The following ARHGAP42 variants were observed in gnomAD, a reference collection of about 807,000 sequenced individuals.
The protein encoded by ARHGAP42 is rho GTPase-activating protein 42.
In ARHGAP42, 63 loss-of-function variants were observed where a neutral mutation model predicts 125.0. The observed-to-expected ratio is 0.50, with a 90% confidence interval of 0.41 to 0.62. The LOEUF is 0.62. Ranked by LOEUF, ARHGAP42 falls within the 20% of genes least tolerant of loss-of-function variation. The probability of loss-of-function intolerance (pLI) is 0.00; values close to 1 mark genes in which losing one functional copy is unlikely to be tolerated. For missense variants in ARHGAP42, 766 were observed against 1,024.2 expected (o/e 0.75, Z 3.44); for synonymous variants, 339 against 351.0 (o/e 0.97, Z 0.38).
intron 1 of ARHGAP42, among the ~76,000 whole-genome samples, chr11:100,720,976 G>C (rs1034713442): frequency 3.3e-5 from 5 of 151,530 alleles, no homozygotes; most frequent in Admixed American, 2.6e-4. Context: ...TAACTGAGCA[G>C]ATAATACAGA....
At chr11:100,711,546 T>G (rs1355364595) in intron 1 of ARHGAP42, among the ~76,000 whole-genome samples, 1 of 151,996 alleles carries the variant, frequency 6.6e-6, no homozygotes. Context: ...TCTTTAGACA[T>G]GATGTCTCAC....
chr11:100,961,382 GATTGACTATGTTAATCTC>G (rs1401302489), intron 14 of ARHGAP42, among the ~76,000 whole-genome samples: 1 of 152,020 alleles, frequency 6.6e-6, no homozygotes, highest in African/African-American at 2.4e-5. Flanking sequence ...GAGTTGTGAG[GATTGACTATGTTAATCTC>G]CGTAAAGCAC....
chr11:100,877,729 G>A (rs759494806), intron 4 of ARHGAP42, among the ~76,000 whole-genome samples: 2 of 152,102 alleles, frequency 1.3e-5, no homozygotes, highest in Non-Finnish European at 1.5e-5. Context: ...TTACCAGGGT[G>A]GGCGCGGTGG....
intron 3 of ARHGAP42, among the ~76,000 whole-genome samples, chr11:100,859,087 T>G (rs537391): frequency 0.015 from 2,319 of 152,216 alleles, 68 homozygotes; most frequent in African/African-American, 0.053. Flanking sequence ...TTCCTCATTT[T>G]GAGGAATCTA....
chr11:100,986,491 T>C (rs1858681994), intron 22 of ARHGAP42: 1 of 172,842 alleles, frequency 5.8e-6, no homozygotes, highest in Non-Finnish European at 1.2e-5. Context: ...TGGGCCAGAG[T>C]AGGAAGCCAG....
Position 100,976,851 on chromosome 11 carries a change from C to G in ARHGAP42, c.2273C>G (p.Thr758Ser). The change falls in exon 21 of 24, where the codon ACT becomes AGT. Residue 758 changes from threonine to serine, a missense_variant. By Grantham distance (58) the Thr-to-Ser change is moderately conservative. Around this residue, in one of 3 missense-constraint regions of ARHGAP42, gnomAD observed 308 missense variants for 369.7 expected, o/e 0.83. Transcript: ENST00000298815. ...KSYSGSIQSLTSVGSKETPKA... is the reference protein window; with the variant it reads ...KSYSGSIQSLSSVGSKETPKA... ...TACAGTGGATCTATTCAAAGCTTAA[C>G]TTCTGTAGGTTCCAAGGAGACACCC... 1 of 1,551,270 alleles carries G rather than the reference C, an allele frequency of 6.4e-7. No homozygotes were observed. The highest frequency in any genetic ancestry group is 1.2e-5 in the South Asian group (1 of 84,050).
chr11:100,789,652 C>T (rs953017969), intron 2 of ARHGAP42, among the ~76,000 whole-genome samples: 3 of 152,164 alleles, frequency 2.0e-5, no homozygotes, highest in South Asian at 2.1e-4. Context: ...GGTTACATAA[C>T]GTACAGAGTT....
At chr11:100,746,442 A>G (rs1203637661) in intron 1 of ARHGAP42, among the ~76,000 whole-genome samples, 1 of 152,244 alleles carries the variant, frequency 6.6e-6, no homozygotes, top group Non-Finnish European at 1.5e-5. Flanking sequence ...ACCCTAGTGG[A>G]AAGGGGACAA....
intron 4 of ARHGAP42, among the ~76,000 whole-genome samples, chr11:100,889,119 G>A (rs1352929754): frequency 6.6e-6 from 1 of 152,194 alleles, no homozygotes; most frequent in Admixed American, 6.5e-5. Flanking sequence ...CAAAATAAGT[G>A]TTCAGTAAAT....
intron 1 of ARHGAP42, among the ~76,000 whole-genome samples, chr11:100,751,059 C>T (rs1161144771): frequency 2.6e-5 from 4 of 151,680 alleles, no homozygotes; most frequent in African/African-American, 9.7e-5. Flanking sequence ...CTGCCTCAGC[C>T]TCCTAAGTAG....
intron 2 of ARHGAP42, among the ~76,000 whole-genome samples, chr11:100,786,277 A>G (rs924086656): frequency 1.3e-5 from 2 of 152,252 alleles, no homozygotes; most frequent in African/African-American, 4.8e-5. Flanking sequence ...CAAAGAAAAC[A>G]AAATATGTGA....
intron 3 of ARHGAP42, among the ~76,000 whole-genome samples, chr11:100,829,216 A>G (rs190549312): frequency 2.6e-3 from 389 of 151,976 alleles, no homozygotes; most frequent in African/African-American, 8.9e-3. Context: ...TTGGGGAAAA[A>G]AAGCATGGTG....
intron 4 of ARHGAP42, among the ~76,000 whole-genome samples, chr11:100,904,391 C>A (rs1291930540): frequency 6.6e-6 from 1 of 151,968 alleles, no homozygotes; most frequent in Non-Finnish European, 1.5e-5. Flanking sequence ...GGATTACAGG[C>A]GCATGCTACC....
chr11:100,889,841 C>T (rs1866177452), intron 4 of ARHGAP42, among the ~76,000 whole-genome samples: 1 of 152,262 alleles, frequency 6.6e-6, no homozygotes, highest in South Asian at 2.1e-4. Context: ...ATATCCTTAA[C>T]TTAACTCTTG....
chr11:100,952,366 C>T (rs1277183427), intron 12 of ARHGAP42, among the ~76,000 whole-genome samples: 4 of 152,134 alleles, frequency 2.6e-5, no homozygotes, highest in Non-Finnish European at 4.4e-5. Context: ...ATCTTTTCAA[C>T]ACCTAGCAAC....
chr11:100,892,548 C>G (rs901215309), intron 4 of ARHGAP42, among the ~76,000 whole-genome samples: 1 of 152,090 alleles, frequency 6.6e-6, no homozygotes, highest in Non-Finnish European at 1.5e-5. Flanking sequence ...TATAAAGAAA[C>G]CATTCTTATA....
At chr11:100,961,214 T>C (rs1005044054) in intron 14 of ARHGAP42, among the ~76,000 whole-genome samples, 1 of 152,180 alleles carries the variant, frequency 6.6e-6, no homozygotes, top group Non-Finnish European at 1.5e-5. Flanking sequence ...TTTGGTAAGC[T>C]AGAGATACAA....
intron 6 of ARHGAP42, among the ~76,000 whole-genome samples, chr11:100,922,607 A>C (rs1441015369): frequency 6.6e-6 from 1 of 152,238 alleles, no homozygotes; most frequent in Non-Finnish European, 1.5e-5. Flanking sequence ...AAATCCATTC[A>C]TAATAAAAAA....
At chr11:100,846,882 CA>C (rs1865080207) in intron 3 of ARHGAP42, among the ~76,000 whole-genome samples, 1 of 151,976 alleles carries the variant, frequency 6.6e-6, no homozygotes, top group Admixed American at 6.6e-5. Context: ...TGAAGAGGTC[CA>C]GGGGGAGCTA....
Sources: allele counts gnomAD v4.1 joint callset (sites outside exome capture counted in the v4.1 genomes callset), GRCh38; gene constraint gnomAD v4.1.1; regional missense constraint gnomAD v4.1.1; transcripts MANE v1.5; gene names NCBI Gene and HGNC (gene_info 2026-07-23, HGNC 2026-07-21).